MCOLN2: variants seen among roughly 807,000 people sequenced by gnomAD.
MCOLN2 encodes the protein mucolipin TRP cation channel 2, also known as mucolipin-2.
Under a neutral mutation model 67.5 loss-of-function variants are expected in MCOLN2, and 57 were observed. The observed-to-expected ratio is 0.84, with a 90% CI of 0.68 to 1.05. The LOEUF (loss-of-function observed/expected upper bound fraction) is 1.05. Among genes scored for constraint, MCOLN2 ranks in the 50% least tolerant of loss-of-function variants. The probability of loss-of-function intolerance (pLI) is 0.00; values close to 1 mark genes in which losing one functional copy is unlikely to be tolerated. For missense variants in MCOLN2, 620 were observed against 678.8 expected (o/e 0.91, Z 0.96); for synonymous variants, 246 against 233.3 (o/e 1.05, Z -0.50).
intron 2 of MCOLN2, among the ~76,000 whole-genome samples, chr1:84,961,098 T>C (rs1000294293): frequency 5.3e-5 from 8 of 152,208 alleles, no homozygotes; most frequent in African/African-American, 1.7e-4. Context: ...AATCAGCTGA[T>C]GAATATAATC....
At position 84,948,678 on chromosome 1, in the gene MCOLN2, A is replaced by G. The variant is rs762152828; in HGVS notation, c.748-1546T>C. Among the ~76,000 whole-genome samples, 66 of 152,378 alleles carry G rather than the reference A, an allele frequency of 4.3e-4. 1 individual carries two copies. The highest frequency in any genetic ancestry group is 1.2e-3 in the South Asian group (6 of 4,832). ...GATATAAAAGAATACAAACAATTCA[A>G]TGAAACCAGGAACATAATTTATGAT... On this transcript the variant is annotated intron_variant, in intron 6 of 13. Transcript: ENST00000370608.
chr1:84,952,604 G>C, intron 4 of MCOLN2, 74 bp from the exon 5 acceptor site: 1 of 934,722 alleles, frequency 1.1e-6, no homozygotes, highest in Non-Finnish European at 1.8e-6. Context: ...GTGAAAGTGT[G>C]ACAAGAAGCA....
At chr1:84,974,057 C>A (rs901163536) in intron 1 of MCOLN2, among the ~76,000 whole-genome samples, 1 of 152,170 alleles carries the variant, frequency 6.6e-6, no homozygotes. Context: ...GAAAACTGGA[C>A]CAAATTCAGC....
chr1:84,983,746 G>A lies in MCOLN2; in HGVS notation c.77+13050C>T, dbSNP rs1363134721. 2.7e-5 allele frequency among the ~76,000 whole-genome samples: 4 copies of A among 146,436 alleles called. No homozygotes were observed. In the Admixed American group the frequency reaches 2.8e-4, roughly 10 times the overall value. ...GGCTGGAGTGCAATGGTGCGATCTCGGCTCACTGCAACCTCCGCCTCCCGG... is the reference window on the plus strand; with the variant it reads ...GGCTGGAGTGCAATGGTGCGATCTCAGCTCACTGCAACCTCCGCCTCCCGG... On this transcript the variant is annotated intron_variant, in intron 1 of 13. Transcript: ENST00000370608.
chr1:84,956,074 T>G (rs1347557225), intron 4 of MCOLN2, among the ~76,000 whole-genome samples: 1 of 152,098 alleles, frequency 6.6e-6, no homozygotes, highest in Non-Finnish European at 1.5e-5. Context: ...AAAACAAGTG[T>G]ACAAAACATC....
chr1:84,967,063 C>T (rs1649415877), intron 1 of MCOLN2, among the ~76,000 whole-genome samples: 1 of 152,128 alleles, frequency 6.6e-6, no homozygotes. Context: ...CTATTATGCT[C>T]AACTTTTACT....
intron 11 of MCOLN2, among the ~76,000 whole-genome samples, chr1:84,935,632 A>C (rs774239658): frequency 7.2e-5 from 11 of 152,330 alleles, no homozygotes; most frequent in Non-Finnish European, 1.5e-4. Flanking sequence ...ATTAGGCTTA[A>C]AATATATAAT....
intron 13 of MCOLN2, among the ~76,000 whole-genome samples, chr1:84,927,729 A>C (rs1046093604): frequency 6.6e-6 from 1 of 152,228 alleles, no homozygotes; most frequent in Non-Finnish European, 1.5e-5. Context: ...CTTTATGTTC[A>C]TCTTTAGCCT....
chr1:84,934,764 ATCAACAG>A (rs1647331398), intron 11 of MCOLN2, among the ~76,000 whole-genome samples: 1 of 152,242 alleles, frequency 6.6e-6, no homozygotes, highest in Non-Finnish European at 1.5e-5. Context: ...CTGGAAGAAC[ATCAACAG>A]TCTCTCACCC....
intron 13 of MCOLN2, among the ~76,000 whole-genome samples, chr1:84,927,725 G>T (rs1321460035): frequency 6.6e-6 from 1 of 152,224 alleles, no homozygotes; most frequent in Non-Finnish European, 1.5e-5. Context: ...GAATCTTTAT[G>T]TTCATCTTTA....
intron 11 of MCOLN2, among the ~76,000 whole-genome samples, chr1:84,933,761 T>C (rs749755244): frequency 2.0e-5 from 3 of 152,232 alleles, no homozygotes; most frequent in Non-Finnish European, 4.4e-5. Context: ...AGCTAGTTTG[T>C]CAGTACATGT....
intron 4 of MCOLN2, among the ~76,000 whole-genome samples, chr1:84,954,511 C>G (rs917291203): frequency 6.6e-6 from 1 of 152,202 alleles, no homozygotes. Flanking sequence ...TTCAAAGCAA[C>G]CTTGTGAGAT....
At chr1:84,987,494 G>GTATATACCTA (rs371006356) in intron 1 of MCOLN2, among the ~76,000 whole-genome samples, 9,681 of 52,520 alleles carry the variant, frequency 0.18, 2,414 homozygotes, top group African/African-American at 0.28. Flanking sequence ...ATATACATAT[G>GTATATACCTA]TATACATAGA....
intron 1 of MCOLN2, among the ~76,000 whole-genome samples, chr1:84,976,955 C>T (rs557426269): frequency 4.8e-4 from 73 of 152,122 alleles, no homozygotes; most frequent in African/African-American, 1.6e-3. Context: ...ATATTATAAC[C>T]CTGTAACTTC....
chr1:84,958,471 A>G, intron 3 of MCOLN2, 58 bp downstream of exon 3: 1 of 1,411,150 alleles, frequency 7.1e-7, no homozygotes, highest in Non-Finnish European at 9.5e-7. Context: ...GTTGGCTAAG[A>G]CAAGGCCAAG....
chr1:84,968,586 C>T (rs1649495651), intron 1 of MCOLN2, among the ~76,000 whole-genome samples: 1 of 152,182 alleles, frequency 6.6e-6, no homozygotes, highest in African/African-American at 2.4e-5. Flanking sequence ...TTATGACATA[C>T]ATACATGTTG....
chr1:84,994,658 T>C (rs1651059483), intron 1 of MCOLN2, among the ~76,000 whole-genome samples: 1 of 152,254 alleles, frequency 6.6e-6, no homozygotes, highest in Admixed American at 6.5e-5. Context: ...CTCTAGATTA[T>C]GCTTTAGCTT....
At chr1:84,987,580 A>ATATGTATCTATC (rs1557666009) in intron 1 of MCOLN2, among the ~76,000 whole-genome samples, 3 of 47,644 alleles carry the variant, frequency 6.3e-5, no homozygotes, top group African/African-American at 2.2e-4. Context: ...ATGTATACAT[A>ATATGTATCTATC]GATATATACA....
chr1:84,981,860 C>T (rs541322203), intron 1 of MCOLN2, among the ~76,000 whole-genome samples: 32 of 152,040 alleles, frequency 2.1e-4, no homozygotes, highest in Admixed American at 9.8e-4. Context: ...GGAATGAATA[C>T]CCCATTTTCC....
Sources: gnomAD v4.1 joint callset for allele counts (sites outside exome capture counted in the v4.1 genomes callset) on GRCh38, gnomAD v4.1.1 for gene constraint, MANE v1.5 for transcripts, NCBI Gene and HGNC (gene_info 2026-07-23, HGNC 2026-07-21) for gene names.